Variants in GALNT6 observed in about 807,000 individuals in gnomAD.
GALNT6 encodes the protein polypeptide N-acetylgalactosaminyltransferase 6.
A neutral mutation model predicts 65.9 loss-of-function variants in GALNT6; 51 were observed. The observed-to-expected ratio is 0.77, with a 90% CI of 0.62 to 0.98. The LOEUF (loss-of-function observed/expected upper bound fraction) is 0.98, where lower values mean the gene tolerates loss of function less well. Ranked by LOEUF, GALNT6 falls within the 50% of genes least tolerant of loss-of-function variation. GALNT6 has a pLI of 0.00. For synonymous variants in GALNT6, 323 were observed against 315.1 expected (o/e 1.02, Z -0.26); for missense variants, 708 against 803.3 (o/e 0.88, Z 1.43).
intron 7 of GALNT6, 107 bp from the exon 8 acceptor site, chr12:51,359,439 CT>C: frequency 4.0e-6 from 3 of 742,342 alleles, no homozygotes; most frequent in South Asian, 3.7e-5. Context: ...GGTCCAAGGA[CT>C]TGGGCAAATG....
chr12:51,368,881 C>A (rs1350722409), intron 4 of GALNT6, among the ~76,000 whole-genome samples: 1 of 152,202 alleles, frequency 6.6e-6, no homozygotes, highest in Admixed American at 6.5e-5. Context: ...AAATCAGCCT[C>A]ATGCAGCAGC....
intron 4 of GALNT6, among the ~76,000 whole-genome samples, chr12:51,367,331 A>C (rs1212740953): frequency 6.6e-6 from 1 of 152,142 alleles, no homozygotes; most frequent in Non-Finnish European, 1.5e-5. Context: ...GCTACTCGGG[A>C]GGCTGAGGCA....
At chr12:51,357,483 A>T (rs1946785544) in intron 9 of GALNT6, 33 bp from the exon 10 acceptor site, 2 of 1,509,794 alleles carry the variant, frequency 1.3e-6, no homozygotes, top group Non-Finnish European at 1.8e-6. Context: ...GGGAAGCAGG[A>T]TGGCACAGTC....
intron 2 of GALNT6, among the ~76,000 whole-genome samples, chr12:51,380,703 G>A (rs10783437): frequency 0.54 from 81,719 of 151,962 alleles, 22,832 homozygotes; most frequent in East Asian, 0.74. Flanking sequence ...AGGCAGGAGA[G>A]TCACTTGAAC....
intron 3 of GALNT6, 124 bp from the exon 4 acceptor site, chr12:51,377,491 T>G: frequency 9.3e-6 from 7 of 755,622 alleles, no homozygotes; most frequent in Non-Finnish European, 1.6e-5. Context: ...CTACATTCTC[T>G]ATAGCAGGTG....
chr12:51,364,829 C>A (rs1244254853), intron 5 of GALNT6, among the ~76,000 whole-genome samples: 1 of 152,204 alleles, frequency 6.6e-6, no homozygotes, highest in Non-Finnish European at 1.5e-5. Flanking sequence ...TTACTTCATT[C>A]GGCCCTCAGA....
intron 9 of GALNT6, 98 bp from the exon 10 acceptor site, chr12:51,357,548 G>A: frequency 1.3e-6 from 1 of 758,052 alleles, no homozygotes; most frequent in Non-Finnish European, 2.4e-6. Context: ...CCAGTCAACT[G>A]CAACAAATTT....
At chr12:51,385,129 T>C (rs1947790993) in intron 2 of GALNT6, among the ~76,000 whole-genome samples, 1 of 151,866 alleles carries the variant, frequency 6.6e-6, no homozygotes, top group African/African-American at 2.4e-5. Flanking sequence ...GCTGGGACCA[T>C]AGGTGTGTGT....
chr12:51,351,738 T>C lies in GALNT6; in HGVS notation c.*2641A>G, dbSNP rs746064027. 1.3e-5 allele frequency: 2 copies of C among 152,108 alleles called. No homozygotes were observed. Among genetic ancestry groups the C allele is most frequent in the Non-Finnish European group, 2.9e-5 (2 of 68,026 alleles). 9.4% of individuals were successfully genotyped at this position (152,108 alleles called of 1,614,324 possible). A position where few individuals can be genotyped will look rare whatever the true frequency, so the allele number is the denominator to read the frequency against. ...TGCTTGACACAATACATAAGCTAGA[T>C]TTAGGGCCAGAGAATGTTTGGGGAC... On this transcript the variant is annotated 3_prime_UTR_variant, in exon 12 of 12. Transcript: ENST00000356317.
chr12:51,379,786 C>T lies in GALNT6; in HGVS notation c.-5G>A. On this transcript the variant is annotated 5_prime_UTR_variant, in exon 3 of 12. Transcript: ENST00000356317. ...GCGTCTGCGGAGGAGCCTCATCCTC[C>T]AGAACCAAGGGGCACCCCAGCTGCG... is the stretch of plus-strand genomic sequence containing the variant. 1 of 1,598,648 alleles carries T rather than the reference C, an allele frequency of 6.3e-7. No homozygotes were observed. Among genetic ancestry groups the T allele is most frequent in the South Asian group, 1.1e-5 (1 of 90,512 alleles).
In GALNT6 at chr12:51,373,374, G is replaced by C. The variant is rs1192333011; in HGVS notation, c.664+3821C>G. Among the ~76,000 whole-genome samples the C allele has an allele frequency of 2.0e-5, 3 of 152,178 alleles. No individual in the cohort carries two copies. The East Asian group carries it at 5.8e-4, about 29-fold the overall frequency. On this transcript the variant is annotated intron_variant, in intron 4 of 11. Coordinates refer to ENST00000356317, the MANE Select transcript of GALNT6 (RefSeq NM_007210.4). The stretch of plus-strand genomic sequence containing the variant: ...CACCATGCTATCCTTGTGATAGTAA[G>C]TTCTCACGAAATCTGATGGTTTTAT...
At chr12:51,365,897 T>G (rs2137614513) in intron 4 of GALNT6, among the ~76,000 whole-genome samples, 1 of 152,282 alleles carries the variant, frequency 6.6e-6, no homozygotes, top group East Asian at 1.9e-4. Context: ...TGTGTTTCTG[T>G]GGTCACGTAT....
Position 51,359,136 on chromosome 12 carries a change from T to G in GALNT6, c.1364A>C (p.Gln455Pro). The G allele has an allele frequency of 6.2e-7, 1 of 1,613,120 alleles. No individual in the cohort carries two copies. The highest frequency in any genetic ancestry group is 8.5e-7 in the Non-Finnish European group (1 of 1,179,060). ...CCGAGAACCATTTCCTCTCACCTCT[T>G]GGGCCATCTTTGCTGCCTGCAGATT... ...RRNLQAAKMA[Q>P]EKSFGDISER... The change falls in exon 8 of 12, where the codon CAA becomes CCA. Residue 455 changes from glutamine (Q) to proline (P), a missense_variant. Coordinates refer to ENST00000356317, the MANE Select transcript of GALNT6 (RefSeq NM_007210.4).
At position 51,391,381 on chromosome 12, in the gene GALNT6, A is replaced by G. The variant is rs984204241; in HGVS notation, c.-286T>C. The G allele has an allele frequency of 1.3e-5, 2 of 153,280 alleles. No individual in the cohort carries two copies. Among genetic ancestry groups the G allele is most frequent in the African/African-American group, 4.8e-5 (2 of 41,424 alleles). 9.5% of individuals were successfully genotyped at this position (153,280 alleles called of 1,614,324 possible). On this transcript the variant is annotated 5_prime_UTR_variant, in exon 1 of 12. Coordinates refer to ENST00000356317, the MANE Select transcript of GALNT6 (RefSeq NM_007210.4). ...GAGGGAGGAGCTACAGGCCACCGCG[A>G]CCAGCAGAGAGCGAAGGCAGGAGGG...
At chr12:51,360,587 C>A (rs528776037) in intron 7 of GALNT6, 134 bp downstream of exon 7, 2 of 671,820 alleles carry the variant, frequency 3.0e-6, no homozygotes, top group African/African-American at 3.6e-5. Flanking sequence ...GAGGAAGAGA[C>A]ACACTGGGAA....
chr12:51,359,991 A>C (rs1946869731), intron 7 of GALNT6: 1 of 152,248 alleles, frequency 6.6e-6, no homozygotes, highest in Non-Finnish European at 1.5e-5. Flanking sequence ...CAGCAACAGA[A>C]ATACATAATC....
intron 10 of GALNT6, 49 bp downstream of exon 10, chr12:51,357,300 A>G (rs1270163964): frequency 8.3e-7 from 1 of 1,201,952 alleles, no homozygotes; most frequent in Admixed American, 1.7e-5. Flanking sequence ...GGTAGAGAAA[A>G]GGAGCCGGTG....
At chr12:51,379,077 T>C (rs1947567775) in intron 3 of GALNT6, among the ~76,000 whole-genome samples, 1 of 152,252 alleles carries the variant, frequency 6.6e-6, no homozygotes, top group Admixed American at 6.5e-5. Flanking sequence ...CAGGTCTCCC[T>C]GGGCCTCTGG....
chr12:51,372,863 C>T (rs768834450), intron 4 of GALNT6, among the ~76,000 whole-genome samples: 7 of 152,232 alleles, frequency 4.6e-5, no homozygotes, highest in Non-Finnish European at 8.8e-5. Flanking sequence ...CCACCTCTTG[C>T]ATCAGCGTGA....
Sources: allele counts gnomAD v4.1 joint callset (sites outside exome capture counted in the v4.1 genomes callset), GRCh38; gene constraint gnomAD v4.1.1; transcripts MANE v1.5; gene names NCBI Gene and HGNC (gene_info 2026-07-23, HGNC 2026-07-21).